BAG3: variants seen among roughly 807,000 people sequenced by gnomAD.
BAG3 encodes BAG family molecular chaperone regulator 3.
A neutral mutation model predicts 40.5 loss-of-function variants in BAG3; 14 were observed. That is an observed-to-expected ratio of 0.35 (90% confidence interval 0.23 to 0.54). BAG3 has a LOEUF of 0.54. BAG3 is among the 20% of genes least tolerant of loss of function. The pLI is 0.91. For missense variants in BAG3, 788 were observed against 758.6 expected (o/e 1.04, Z -0.46); for synonymous variants, 302 against 307.8 (o/e 0.98, Z 0.20).
Position 119,676,989 on chromosome 10 carries a change from G to A in BAG3, c.1435G>A (p.Ala479Thr). ...DPEGRADVRQ[A>T]RRDGVRKVQT... is the part of the protein sequence containing the mutation. ...CGAGGGACGAGCCGATGTGCGTCAG[G>A]CCAGGAGAGACGGTGTCAGGAAGGT... Residue 479 changes from alanine (A) to threonine (T), a missense_variant, in exon 4 of 4, where the codon GCC (alanine) becomes ACC (threonine). Coordinates refer to ENST00000369085, the MANE Select transcript of BAG3 (RefSeq NM_004281.4). 1 of 1,614,188 alleles carries A rather than the reference G, an allele frequency of 6.2e-7. No homozygotes were observed. Among genetic ancestry groups the A allele is most frequent in the Non-Finnish European group, 8.5e-7 (1 of 1,180,032 alleles).
chr10:119,657,137 G>C (rs1242195566), intron 1 of BAG3, among the ~76,000 whole-genome samples: 1 of 152,080 alleles, frequency 6.6e-6, no homozygotes, highest in Non-Finnish European at 1.5e-5. Flanking sequence ...TTGAACCTGG[G>C]TCTGGATTTA....
intron 1 of BAG3, among the ~76,000 whole-genome samples, chr10:119,658,519 TC>T (rs1206895944): frequency 6.6e-6 from 1 of 152,206 alleles, no homozygotes; most frequent in Non-Finnish European, 1.5e-5. Context: ...AACTGAATGT[TC>T]CAGGTCTGAG....
rs550343752 is a variant in BAG3, at chr10:119,667,481, G to T, written c.181-2370G>T. 5.3e-5 allele frequency among the ~76,000 whole-genome samples: 8 copies of T among 152,312 alleles called. No individual in the cohort carries two copies. In the South Asian group the frequency reaches 1.4e-3, roughly 28 times the overall value. On this transcript the variant is annotated intron_variant, in intron 1 of 3. Coordinates refer to ENST00000369085, the MANE Select transcript of BAG3 (RefSeq NM_004281.4). The stretch of plus-strand genomic sequence containing the variant: ...GAAGCGAAGGCTTACAGAGGTAAGA[G>T]AATTACCCAAGCTCACAGAACTGTT...
At chr10:119,666,515 T>C (rs925720419) in intron 1 of BAG3, among the ~76,000 whole-genome samples, 5 of 118,964 alleles carry the variant, frequency 4.2e-5, no homozygotes, top group Admixed American at 8.7e-5. Flanking sequence ...TCCTGTCTTA[T>C]TCCCCTTCTC....
chr10:119,662,215 G>GTTT lies in BAG3; in HGVS notation c.181-7628_181-7626dup, dbSNP rs367864009. ...GGCCCCCGCCACCATGCCTGGCTAT[G>GTTT]TTTTTTTTTTGTTTTTTTTTTTTTT... On this transcript the variant is annotated intron_variant, in intron 1 of 3. Coordinates refer to ENST00000369085, the MANE Select transcript of BAG3 (RefSeq NM_004281.4). Among the ~76,000 whole-genome samples, 299 of 90,316 alleles carry GTTT rather than the reference G, an allele frequency of 3.3e-3. 15 individuals carry two copies. The highest frequency in any genetic ancestry group is 5.6e-3 in the East Asian group (20 of 3,574). 59.3% of individuals were successfully genotyped at this position (90,316 alleles called of 152,430 possible). A position where few individuals can be genotyped will look rare whatever the true frequency, so the allele number is the denominator to read the frequency against.
chr10:119,658,703 A>G (rs957467138), intron 1 of BAG3, among the ~76,000 whole-genome samples: 19 of 152,258 alleles, frequency 1.2e-4, no homozygotes, highest in African/African-American at 4.6e-4. Context: ...TGGCCTTACC[A>G]TCAGACAAAC....
Position 119,660,162 on chromosome 10 carries a change from C to T in BAG3, c.180+8307C>T, listed in dbSNP as rs750113368. 6.6e-5 allele frequency among the ~76,000 whole-genome samples: 10 copies of T among 152,178 alleles called. 1 individual carries two copies. Among genetic ancestry groups the T allele is most frequent in the South Asian group, 2.1e-4 (1 of 4,828 alleles). ...GACGTGTGCCCTGGTGAGGGGCCAT[C>T]GAGGATGTTGAGGAGACGCCAGCAG... On this transcript the variant is annotated intron_variant, in intron 1 of 3. Coordinates refer to ENST00000369085, the MANE Select transcript of BAG3 (RefSeq NM_004281.4).
intron 1 of BAG3, among the ~76,000 whole-genome samples, chr10:119,658,776 G>A (rs543788784): frequency 6.6e-6 from 1 of 152,302 alleles, no homozygotes; most frequent in African/African-American, 2.4e-5. Flanking sequence ...CCCGTTGTGT[G>A]AAGTGGGCAT....
intron 3 of BAG3, among the ~76,000 whole-genome samples, chr10:119,673,743 G>T (rs1847183416): frequency 6.6e-6 from 1 of 152,240 alleles, no homozygotes; most frequent in African/African-American, 2.4e-5. Context: ...TAGAAGAGTT[G>T]TGTGAATCAT....
chr10:119,666,040 C>T (rs570861136), intron 1 of BAG3, among the ~76,000 whole-genome samples: 2 of 152,326 alleles, frequency 1.3e-5, no homozygotes, highest in Admixed American at 6.5e-5. Flanking sequence ...CAGTGGACCT[C>T]ACGCACGGTG....
intron 1 of BAG3, among the ~76,000 whole-genome samples, chr10:119,664,586 C>T (rs1470395250): frequency 6.6e-6 from 1 of 152,128 alleles, no homozygotes; most frequent in Non-Finnish European, 1.5e-5. Flanking sequence ...ACCGTGGTTG[C>T]ATCCCAGTCC....
chr10:119,657,589 C>T (rs899251173), intron 1 of BAG3: 5 of 470,960 alleles, frequency 1.1e-5, no homozygotes, highest in Non-Finnish European at 2.2e-5. Context: ...GGAAGCCTTC[C>T]ATTGGTTCCT....
chr10:119,673,431 G>A (rs994545207), intron 3 of BAG3, among the ~76,000 whole-genome samples: 3 of 152,204 alleles, frequency 2.0e-5, no homozygotes, highest in Admixed American at 1.3e-4. Context: ...AGCCGTGCTG[G>A]CCTGGGGAAG....
intron 1 of BAG3, among the ~76,000 whole-genome samples, chr10:119,659,576 C>T (rs565993970): frequency 6.6e-6 from 1 of 152,336 alleles, no homozygotes. Flanking sequence ...AGCAGAGCCC[C>T]CCCGGGACTC....
At chr10:119,661,684 T>C (rs1393963890) in intron 1 of BAG3, among the ~76,000 whole-genome samples, 2 of 152,254 alleles carry the variant, frequency 1.3e-5, no homozygotes, top group East Asian at 3.8e-4. Flanking sequence ...CAGTAGCCTG[T>C]GACTTATGAT....
intron 1 of BAG3, chr10:119,656,760 G>A (rs1314746645): frequency 6.6e-6 from 1 of 152,084 alleles, no homozygotes; most frequent in Non-Finnish European, 1.5e-5. Context: ...AGGAATGAAT[G>A]TAGTATTTTT....
chr10:119,657,543 A>T (rs1443226078), intron 1 of BAG3: 7 of 471,190 alleles, frequency 1.5e-5, no homozygotes, highest in South Asian at 1.1e-4. Context: ...AGGCAGATAC[A>T]GAAGAGCTGC....
chr10:119,673,138 A>G (rs1847176609), intron 3 of BAG3, among the ~76,000 whole-genome samples: 1 of 152,114 alleles, frequency 6.6e-6, no homozygotes, highest in Non-Finnish European at 1.5e-5. Flanking sequence ...CCCGCACAGT[A>G]TAGGTTCTCC....
chr10:119,665,067 G>A (rs558800624), intron 1 of BAG3, among the ~76,000 whole-genome samples: 15 of 111,202 alleles, frequency 1.3e-4, no homozygotes, highest in Admixed American at 1.1e-3. Flanking sequence ...ACAGGCACCC[G>A]CCACCACACA....
Sources: allele counts gnomAD v4.1 joint callset (sites outside exome capture counted in the v4.1 genomes callset), GRCh38; gene constraint gnomAD v4.1.1; transcripts MANE v1.5; gene names NCBI Gene and HGNC (gene_info 2026-07-23, HGNC 2026-07-21).